Variants in COMMD10 observed in about 807,000 individuals in gnomAD.
COMMD10 encodes the protein COMM domain containing 10.
COMMD10 carries 33 observed loss-of-function variants against 28.9 expected under a neutral mutation model. The ratio of observed to expected loss-of-function variants is 1.14; its 90% CI spans 0.87 to 1.53. The LOEUF is 1.53. Among genes scored for constraint, COMMD10 ranks in the 40% most tolerant of loss-of-function variants. The pLI, the probability that COMMD10 is intolerant of heterozygous loss-of-function variation, is 0.00. For missense variants in COMMD10, 310 were observed against 233.4 expected, an observed-to-expected ratio of 1.33 and a Z score of -2.14; for synonymous variants, 110 against 81.7, an observed-to-expected ratio of 1.35 and a Z score of -1.87.
Position 116,278,350 on chromosome 5 carries a change from A to G in COMMD10, c.511-13167A>G, listed in dbSNP as rs781257891. ...ATTTCAGTACCAAAGCTGAAAAATC[A>G]TAATGGCATATCAGCACACACATAA... On this transcript the variant is annotated intron_variant, in intron 5 of 6. Coordinates refer to ENST00000274458, the MANE Select transcript of COMMD10 (RefSeq NM_016144.4). 8.6e-5 allele frequency among the ~76,000 whole-genome samples: 13 copies of G among 151,832 alleles called. 1 individual carries two copies. The highest frequency in any genetic ancestry group is 1.2e-4 in the African/African-American group (5 of 41,164).
chr5:116,241,359 T>A (rs1251245220), intron 5 of COMMD10, among the ~76,000 whole-genome samples: 3 of 152,126 alleles, frequency 2.0e-5, no homozygotes, highest in East Asian at 1.9e-4. Context: ...AGAACTTTTT[T>A]AAAGTAAATG....
At chr5:116,176,199 C>T (rs1051310057) in intron 5 of COMMD10, among the ~76,000 whole-genome samples, 6 of 152,290 alleles carry the variant, frequency 3.9e-5, no homozygotes, top group African/African-American at 1.2e-4. Context: ...GCAACCTCCA[C>T]CTACAAGATT....
chr5:116,176,139 ATTGTCT>A (rs1226680503), intron 5 of COMMD10, among the ~76,000 whole-genome samples: 2 of 151,958 alleles, frequency 1.3e-5, no homozygotes, highest in Admixed American at 6.6e-5. Context: ...GTTGAGATAG[ATTGTCT>A]TTGTCTCCCA....
intron 3 of COMMD10, among the ~76,000 whole-genome samples, chr5:116,092,069 C>T (rs935896048): frequency 3.9e-5 from 6 of 152,050 alleles, no homozygotes; most frequent in African/African-American, 1.2e-4. Flanking sequence ...AGAAACAGAA[C>T]AGGTATCAGT....
At chr5:116,086,237 G>C (rs888646557) in intron 1 of COMMD10, among the ~76,000 whole-genome samples, 1 of 152,210 alleles carries the variant, frequency 6.6e-6, no homozygotes, top group African/African-American at 2.4e-5. Context: ...TATGTTCCCA[G>C]CCTCCTGACC....
chr5:116,225,983 C>T (rs987629443), intron 5 of COMMD10, among the ~76,000 whole-genome samples: 3 of 151,986 alleles, frequency 2.0e-5, no homozygotes, highest in African/African-American at 7.3e-5. Context: ...AGCTCTTTTT[C>T]CAGCTCTCCA....
At chr5:116,092,498 A>C in intron 3 of COMMD10, 47 bp from the exon 4 acceptor site, 1 of 1,356,912 alleles carries the variant, frequency 7.4e-7, no homozygotes, top group Non-Finnish European at 9.9e-7. Context: ...TTAAAGTTTC[A>C]GTATGAAGAT....
intron 5 of COMMD10, among the ~76,000 whole-genome samples, chr5:116,138,100 A>G (rs376748334): frequency 6.6e-6 from 1 of 152,054 alleles, no homozygotes; most frequent in African/African-American, 2.4e-5. Flanking sequence ...TACATTTCAA[A>G]TCTTTATAGA....
chr5:116,102,629 C>G (rs566194524), intron 4 of COMMD10, among the ~76,000 whole-genome samples: 5 of 152,188 alleles, frequency 3.3e-5, no homozygotes, highest in African/African-American at 1.2e-4. Context: ...TGCATTGAAT[C>G]TGTAGATTGC....
At chr5:116,094,686 A>G (rs1243839035) in intron 4 of COMMD10, among the ~76,000 whole-genome samples, 1 of 152,222 alleles carries the variant, frequency 6.6e-6, no homozygotes, top group Admixed American at 6.5e-5. Flanking sequence ...ATTCAAAGGA[A>G]AGGAAATCGG....
intron 5 of COMMD10, among the ~76,000 whole-genome samples, chr5:116,248,365 A>G (rs1302196764): frequency 8.2e-6 from 1 of 122,426 alleles, no homozygotes; most frequent in Non-Finnish European, 2.0e-5. Flanking sequence ...TAGAAAAAGT[A>G]TAATATTAAG....
At chr5:116,180,577 GT>G (rs1414125861) in intron 5 of COMMD10, among the ~76,000 whole-genome samples, 1 of 151,678 alleles carries the variant, frequency 6.6e-6, no homozygotes, top group Admixed American at 6.6e-5. Context: ...TCTATTAGCA[GT>G]TCATTCTAAA....
intron 5 of COMMD10, among the ~76,000 whole-genome samples, chr5:116,257,424 G>A (rs1206289331): frequency 6.6e-6 from 1 of 151,662 alleles, no homozygotes; most frequent in Non-Finnish European, 1.5e-5. Context: ...ACCAGTTCCA[G>A]ATGTTCCACG....
intron 5 of COMMD10, among the ~76,000 whole-genome samples, chr5:116,145,578 T>C (rs566897793): frequency 1.3e-5 from 2 of 151,882 alleles, no homozygotes; most frequent in African/African-American, 4.8e-5. Context: ...TCTAGAAATA[T>C]GCTGGAACCT....
chr5:116,157,145 C>A (rs1469821061), intron 5 of COMMD10, among the ~76,000 whole-genome samples: 1 of 152,092 alleles, frequency 6.6e-6, no homozygotes, highest in Non-Finnish European at 1.5e-5. Flanking sequence ...TAATGAATTT[C>A]TAGTTTTTCC....
Position 116,134,150 on chromosome 5 carries a change from A to C in COMMD10, c.482A>C (p.Gln161Pro), listed in dbSNP as rs1751953129. ...CTAAAATCTCCTCAAGCTGTGTTAC[A>C]ACTCGGAGTGAACAATGAAGATTCA... ...AKLKSPQAVL[Q>P]LGVNNEDSKS... The change falls in exon 5 of 7, where the codon CAA (glutamine) becomes CCA (proline). Residue 161 changes from glutamine (Q) to proline (P), a missense_variant. Physicochemically the swap from Gln to Pro is moderately conservative, Grantham distance 76. Coordinates refer to ENST00000274458, the MANE Select transcript of COMMD10 (RefSeq NM_016144.4). The C allele has an allele frequency of 1.2e-6, 2 of 1,608,340 alleles. No homozygotes were observed. The highest frequency in any genetic ancestry group is 1.7e-6 in the Non-Finnish European group (2 of 1,174,760).
At chr5:116,185,829 T>C (rs1401184317) in intron 5 of COMMD10, among the ~76,000 whole-genome samples, 2 of 152,124 alleles carry the variant, frequency 1.3e-5, no homozygotes, top group African/African-American at 2.4e-5. Context: ...ACCCTTAATA[T>C]TTTCATTATC....
chr5:116,177,050 G>A (rs934949356), intron 5 of COMMD10, among the ~76,000 whole-genome samples: 2 of 152,104 alleles, frequency 1.3e-5, no homozygotes, highest in African/African-American at 4.8e-5. Context: ...TTTTGGGGGT[G>A]CAGTCAAGCT....
rs553679507 is a variant in COMMD10, at chr5:116,216,352, C to T, written c.511-75165C>T. ...AGCATGTATACAGTACTTATATGGACTAGAAAGTTTGTTCTTGTGCTTTCA... is the reference window on the plus strand; with the variant it reads ...AGCATGTATACAGTACTTATATGGATTAGAAAGTTTGTTCTTGTGCTTTCA... On this transcript the variant is annotated intron_variant, in intron 5 of 6. Coordinates refer to ENST00000274458, the MANE Select transcript of COMMD10 (RefSeq NM_016144.4). Among the ~76,000 whole-genome samples the T allele has an allele frequency of 4.6e-5, 7 of 152,168 alleles. 1 individual carries two copies. The South Asian group carries it at 1.5e-3, about 32-fold the overall frequency.
Sources: gnomAD v4.1 joint callset for allele counts (sites outside exome capture counted in the v4.1 genomes callset) on GRCh38, gnomAD v4.1.1 for gene constraint, MANE v1.5 for transcripts, NCBI Gene and HGNC (gene_info 2026-07-23, HGNC 2026-07-21) for gene names.